Variants in ZNFX1 observed in about 807,000 individuals in gnomAD.
The protein encoded by ZNFX1 is NFX1-type zinc finger-containing protein 1.
A neutral mutation model predicts 179.8 loss-of-function variants in ZNFX1; 78 were observed. The observed-to-expected ratio is 0.43, with a 90% CI of 0.36 to 0.52. ZNFX1 has a LOEUF of 0.52. Ranked by LOEUF, ZNFX1 falls within the 20% of genes least tolerant of loss-of-function variation. ZNFX1 has a pLI of 0.00. For missense variants in ZNFX1, 1,927 were observed against 2,386.6 expected (o/e 0.81, Z 4.01); for synonymous variants, 848 against 868.5 (o/e 0.98, Z 0.42).
chr20:49,252,882 A>G, intron 11 of ZNFX1, 52 bp from the exon 12 acceptor site: 7 of 1,399,672 alleles, frequency 5.0e-6, no homozygotes, highest in Non-Finnish European at 7.1e-6. Context: ...TCATTTAACC[A>G]TCCATACTTC....
At chr20:49,271,879 G>T (rs1032616645) in intron 2 of ZNFX1, 129 bp from the exon 3 acceptor site, 1 of 1,074,792 alleles carries the variant, frequency 9.3e-7, no homozygotes. Context: ...TAAGAAAAAC[G>T]GTTTCTACCA....
chr20:49,267,675 C>G (rs238182), intron 3 of ZNFX1, among the ~76,000 whole-genome samples: 13,664 of 151,892 alleles, frequency 0.09, 771 homozygotes, highest in African/African-American at 0.17. Flanking sequence ...AGAGTGGCAC[C>G]TGGGGAGAAA....
Position 49,254,530 on chromosome 20 carries a change from A to C in ZNFX1, c.2924T>G (p.Leu975Arg), listed in dbSNP as rs1980921208. ...CATTCCTACAACCTGGGCATCTTTA[A>C]GAATGTGCAGGTCTTCCTGGAGTCT... ...ELRLQEDLHILKDAQVVGMTT... is the reference protein window; with the variant it reads ...ELRLQEDLHIRKDAQVVGMTT... Residue 975 changes from leucine (L) to arginine (R), a missense_variant, in exon 10 of 14, where the codon CTT (leucine) becomes CGT (arginine). Leu to Arg is a moderately radical substitution (Grantham distance 102). Coordinates refer to ENST00000396105, the MANE Select transcript of ZNFX1 (RefSeq NM_021035.3). 1.2e-6 allele frequency: 2 copies of C among 1,614,068 alleles called. No individual in the cohort carries two copies.
Position 49,249,593 on chromosome 20 carries a change from A to T in ZNFX1, c.3431T>A (p.Phe1144Tyr). Reference sequence around the variant, plus strand: ...GGAAGGCAGGTATTCCTGGCACAGGAAGTACTTGCACAGCTCTACCACAAA... The same window carrying T: ...GGAAGGCAGGTATTCCTGGCACAGGTAGTACTTGCACAGCTCTACCACAAA... ...AHFVVELCKY[F>Y]LCQEYLPSQI... The change falls in exon 14 of 14, where the codon TTC becomes TAC. Residue 1144 changes from phenylalanine (F) to tyrosine (Y), a missense_variant. Phe to Tyr is a conservative substitution (Grantham distance 22). Transcript: ENST00000396105. 6.2e-7 allele frequency: 1 copy of T among 1,614,248 alleles called. No individual in the cohort carries two copies. The highest frequency in any genetic ancestry group is 1.1e-5 in the South Asian group (1 of 91,092).
intron 12 of ZNFX1, 68 bp downstream of exon 12, chr20:49,252,652 T>G: frequency 8.9e-7 from 1 of 1,124,502 alleles, no homozygotes; most frequent in Non-Finnish European, 1.3e-6. Context: ...CCTCTTTTGC[T>G]GGCAACTGGC....
intron 2 of ZNFX1, among the ~76,000 whole-genome samples, chr20:49,272,378 T>C (rs1322640979): frequency 6.6e-6 from 1 of 152,084 alleles, no homozygotes; most frequent in Non-Finnish European, 1.5e-5. Context: ...GGTTTCACCA[T>C]CTTGGCCAGG....
chr20:49,274,889 G>A (rs1281474605), intron 2 of ZNFX1, among the ~76,000 whole-genome samples: 2 of 152,140 alleles, frequency 1.3e-5, no homozygotes, highest in South Asian at 2.1e-4. Flanking sequence ...TTGGGAGGCC[G>A]AGGCAGGCGG....
At chr20:49,255,393 C>T (rs1980945367) in intron 9 of ZNFX1, among the ~76,000 whole-genome samples, 3 of 151,666 alleles carry the variant, frequency 2.0e-5, no homozygotes, top group African/African-American at 7.3e-5. Context: ...CACTATGTTG[C>T]CCAGGCTGGT....
At chr20:49,256,011 G>C in intron 8 of ZNFX1, 64 bp from the exon 9 acceptor site, 1 of 1,585,156 alleles carries the variant, frequency 6.3e-7, no homozygotes, top group Non-Finnish European at 8.6e-7. Flanking sequence ...TTAAGCCCAA[G>C]GCAGGGGTCA....
At chr20:49,254,326 GA>G (rs1234353442) in intron 10 of ZNFX1, among the ~76,000 whole-genome samples, 168 bp downstream of exon 10, 6 of 152,232 alleles carry the variant, frequency 3.9e-5, no homozygotes, top group African/African-American at 1.4e-4. Context: ...TGCGCCTGGC[GA>G]AAGTGAGTGA....
At chr20:49,262,336 G>A (rs1375894562) in intron 6 of ZNFX1, among the ~76,000 whole-genome samples, 2 of 151,256 alleles carry the variant, frequency 1.3e-5, no homozygotes, top group Admixed American at 6.6e-5. Context: ...AACCCGGGAG[G>A]CGGAGGTTGT....
At position 49,270,874 on chromosome 20, in the gene ZNFX1, G is replaced by A. The variant is rs141798064; in HGVS notation, c.938C>T (p.Thr313Ile). The A allele has an allele frequency of 1.5e-4, 246 of 1,614,116 alleles. No individual in the cohort carries two copies. Among genetic ancestry groups the A allele is most frequent in the Non-Finnish European group, 1.5e-4 (173 of 1,180,024 alleles). Residue 313 changes from threonine (T) to isoleucine (I), a missense_variant, in exon 3 of 14, where the codon ACT becomes ATT. Thr to Ile is a moderately conservative substitution (Grantham distance 89). Coordinates refer to ENST00000396105, the MANE Select transcript of ZNFX1 (RefSeq NM_021035.3). This position sits in a 1 kb window ranked among gnomAD's most constrained non-coding sequence, Gnocchi z 4.6. ...TAGAGTGTAGGTATCCACTCTCAAA[G>A]TGCCCTCTCGCCTCTTTTCCTGCAG... ...EHLQEKRREG[T>I]LRVDTYTLVQ...
At position 49,249,681 on chromosome 20, in the gene ZNFX1, G is replaced by A. The variant is rs761503459; in HGVS notation, c.3343C>T (p.His1115Tyr). 1 of 1,613,198 alleles carries A rather than the reference G, an allele frequency of 6.2e-7. No individual in the cohort carries two copies. The highest frequency in any genetic ancestry group is 1.1e-5 in the South Asian group (1 of 91,056). The change falls in exon 14 of 14, where the codon CAC becomes TAC. Residue 1115 changes from histidine to tyrosine, a missense_variant. Transcript: ENST00000396105. ...TGGATTTCCTGTTCAGGAAAGTTGTGTTCTACAAAGAAAAGGTTGGAAGAC... is the reference window on the plus strand; with the variant it reads ...TGGATTTCCTGTTCAGGAAAGTTGTATTCTACAAAGAAAAGGTTGGAAGAC... ...GVSSNLFFVEHNFPEQEIQEG... is the reference protein window; with the variant it reads ...GVSSNLFFVEYNFPEQEIQEG...
intron 2 of ZNFX1, among the ~76,000 whole-genome samples, chr20:49,273,344 C>G (rs899920904): frequency 6.6e-6 from 1 of 151,788 alleles, no homozygotes; most frequent in African/African-American, 2.4e-5. Context: ...ATGTTAGCCT[C>G]GATGGTCTCA....
Position 49,247,356 on chromosome 20 carries a change from C to G in ZNFX1, c.5668G>C (p.Ala1890Pro). 6.2e-7 allele frequency: 1 copy of G among 1,614,192 alleles called. No homozygotes were observed. The highest frequency in any genetic ancestry group is 8.5e-7 in the Non-Finnish European group (1 of 1,180,040). Residue 1890 changes from alanine (A) to proline (P), a missense_variant, in exon 14 of 14, where the codon GCT (alanine) becomes CCT (proline). Transcript: ENST00000396105. ...TGCTGGGCTCCATCCATTTCAGAAG[C>G]AAGCTGGTTGCTTCTTTCCAGAGTA... ...NHTLERSNQL[A>P]SEMDGAQHAA...
intron 13 of ZNFX1, 132 bp from the exon 14 acceptor site, chr20:49,249,843 A>T (rs1980794255): frequency 2.2e-6 from 2 of 893,484 alleles, no homozygotes; most frequent in Admixed American, 2.9e-5. Context: ...TCCACTCAAC[A>T]TCACTATCTT....
chr20:49,248,462 T>C lies in ZNFX1; in HGVS notation c.4562A>G (p.Tyr1521Cys). The C allele has an allele frequency of 6.2e-7, 1 of 1,611,160 alleles. No individual in the cohort carries two copies. Among genetic ancestry groups the C allele is most frequent in the Non-Finnish European group, 8.5e-7 (1 of 1,178,050 alleles). ...VEPCVWRCQH[Y>C]QCTKLCSEPC... ...CTCAGAGCAGAGTTTGGTGCACTGGTAGTGCTGGCAGCGCCAGACACAGGG... is the reference window on the plus strand; with the variant it reads ...CTCAGAGCAGAGTTTGGTGCACTGGCAGTGCTGGCAGCGCCAGACACAGGG... Residue 1521 changes from tyrosine to cysteine, a missense_variant, in exon 14 of 14, where the codon TAC becomes TGC. Physicochemically the swap from Tyr to Cys is radical, Grantham distance 194 (BLOSUM62 -2). Transcript: ENST00000396105. This position sits in a 1 kb window ranked among gnomAD's most constrained non-coding sequence, Gnocchi z 4.6.
At chr20:49,257,778 T>C in intron 7 of ZNFX1, 114 bp from the exon 8 acceptor site, 1 of 1,434,092 alleles carries the variant, frequency 7.0e-7, no homozygotes, top group Non-Finnish European at 9.1e-7. Context: ...CTTGGCTCAT[T>C]GCAACCTCTG....
Position 49,257,535 on chromosome 20 carries a change from C to G in ZNFX1, c.2546G>C (p.Arg849Pro). Residue 849 changes from arginine (R) to proline (P), a missense_variant, in exon 8 of 14, where the codon CGG (arginine) becomes CCG (proline). Arg to Pro is a moderately radical substitution (Grantham distance 103). Coordinates refer to ENST00000396105, the MANE Select transcript of ZNFX1 (RefSeq NM_021035.3). Reference sequence around the variant, plus strand: ...GTCTGCTCCACTCTCTTCCTTCTTCCGCCGCTGGGGCCTCACCACCTCTTC... The same window carrying G: ...GTCTGCTCCACTCTCTTCCTTCTTCGGCCGCTGGGGCCTCACCACCTCTTC... ...EEEEVVRPQR[R>P]KKEESGADQE... is the part of the protein sequence containing the mutation. 3 of 1,613,810 alleles carry G rather than the reference C, an allele frequency of 1.9e-6. No homozygotes were observed. The highest frequency in any genetic ancestry group is 2.5e-6 in the Non-Finnish European group (3 of 1,179,990).
Sources: allele counts gnomAD v4.1 joint callset (sites outside exome capture counted in the v4.1 genomes callset), GRCh38; gene constraint gnomAD v4.1.1; non-coding constraint Gnocchi (gnomAD v3.1); transcripts MANE v1.5; gene names NCBI Gene and HGNC (gene_info 2026-07-23, HGNC 2026-07-21).